The following USP47 variants were observed in gnomAD, a reference collection of about 807,000 sequenced individuals.
USP47 encodes ubiquitin carboxyl-terminal hydrolase 47.
In USP47, 35 loss-of-function variants were observed where a neutral mutation model predicts 165.1. That is an observed-to-expected ratio of 0.21 (90% confidence interval 0.16 to 0.28). USP47 has a LOEUF of 0.28. USP47 is among the 10% of genes least tolerant of loss of function. USP47 has a pLI of 1.00. For synonymous variants in USP47, 531 were observed against 544.5 expected (o/e 0.98, Z 0.35); for missense variants, 1,277 against 1,607.4 (o/e 0.79, Z 3.52).
rs1167533794 is a variant in USP47, at chr11:11,936,303, A to G, written c.1870A>G (p.Met624Val). The G allele has an allele frequency of 2.0e-6, 3 of 1,505,240 alleles. No individual in the cohort carries two copies. Among genetic ancestry groups the G allele is most frequent in the East Asian group, 2.3e-5 (1 of 43,498 alleles). The allele number at this position is 1,505,240 out of a possible 1,614,324, so 93.2% of individuals were successfully genotyped here. ...LKEAVEMAYK[M>V]MDLEEVIPLD... ...TTTCTGGGGGATTACTTTCTTTTAG[A>G]TGATGGATTTAGAAGAGGTAATACC... is the stretch of plus-strand genomic sequence containing the variant. Residue 624 changes from methionine to valine, a missense_variant and splice_region_variant, in exon 17 of 28, where the codon ATG (methionine) becomes GTG (valine). Around this residue, in one of 4 missense-constraint regions of USP47, gnomAD observed 909 missense variants for 1,068.1 expected, o/e 0.85. Transcript: ENST00000527733.
chr11:11,890,855 T>C (rs914174108), intron 3 of USP47, among the ~76,000 whole-genome samples: 1 of 152,196 alleles, frequency 6.6e-6, no homozygotes, highest in Non-Finnish European at 1.5e-5. Flanking sequence ...ATCATGTCCT[T>C]TGCAGGGAGA....
In USP47 at chr11:11,842,129, C is replaced by A. The variant is rs1385953250; in HGVS notation, c.-57C>A. ...TGCCATTCTCTCTTGAGCTAGCGAG[C>A]CGCCGCCACCCTCCACCCTCCCCCG... On this transcript the variant is annotated 5_prime_UTR_variant, in exon 1 of 28. Coordinates refer to ENST00000527733, the MANE Select transcript of USP47 (RefSeq NM_001282659.2). 4 of 1,544,238 alleles carry A rather than the reference C, an allele frequency of 2.6e-6. No individual in the cohort carries two copies. Among genetic ancestry groups the A allele is most frequent in the Non-Finnish European group, 2.6e-6 (3 of 1,142,600 alleles).
rs532124453 is a variant in USP47, at chr11:11,948,257, G to T, written c.3267+137G>T. ...TTAATGATTAATGGTAATTTGGGGG[G>T]TTTTTTGTTGTTATTTTTCTTCACT... is the stretch of plus-strand genomic sequence containing the variant. On this transcript the variant is annotated intron_variant, in intron 21 of 27. Coordinates refer to ENST00000527733, the MANE Select transcript of USP47 (RefSeq NM_001282659.2). The T allele has an allele frequency of 1.0e-4, 110 of 1,060,592 alleles. No individual in the cohort carries two copies. The African/African-American group carries it at 1.1e-3, about 10-fold the overall frequency. The allele number at this position is 1,060,592 out of a possible 1,614,324, so 65.7% of individuals were successfully genotyped here.
intron 13 of USP47, 148 bp from the exon 14 acceptor site, chr11:11,930,548 A>G (rs1233771019): frequency 3.1e-6 from 2 of 649,928 alleles, no homozygotes; most frequent in Non-Finnish European, 5.2e-6. Context: ...TCTTATCTGG[A>G]ATGTTTTAAA....
chr11:11,933,601 A>G (rs1854835227), intron 15 of USP47, among the ~76,000 whole-genome samples: 1 of 152,126 alleles, frequency 6.6e-6, no homozygotes. Flanking sequence ...TAAATATGAT[A>G]CATGCTTATA....
At chr11:11,901,819 C>T (rs996495314) in intron 5 of USP47, among the ~76,000 whole-genome samples, 8 of 151,682 alleles carry the variant, frequency 5.3e-5, no homozygotes, top group African/African-American at 1.9e-4. Flanking sequence ...ATTAGCCAGG[C>T]GTCATGGTGC....
chr11:11,886,601 A>T (rs1851178144), intron 3 of USP47, among the ~76,000 whole-genome samples: 1 of 152,214 alleles, frequency 6.6e-6, no homozygotes, highest in South Asian at 2.1e-4. Flanking sequence ...ATGTAAAGAG[A>T]CCAAACGTAC....
intron 8 of USP47, 59 bp from the exon 9 acceptor site, chr11:11,920,097 G>T: frequency 7.9e-7 from 1 of 1,272,250 alleles, no homozygotes; most frequent in Non-Finnish European, 1.0e-6. Context: ...TTTTTATTCA[G>T]GATTTTGTCA....
intron 3 of USP47, among the ~76,000 whole-genome samples, chr11:11,890,327 T>G (rs1028573269): frequency 6.6e-6 from 1 of 151,962 alleles, no homozygotes; most frequent in African/African-American, 2.4e-5. Flanking sequence ...ATATCCAGAA[T>G]CTACAAGGAA....
At chr11:11,926,376 G>T (rs1180896647) in intron 11 of USP47, among the ~76,000 whole-genome samples, 3 of 152,112 alleles carry the variant, frequency 2.0e-5, no homozygotes, top group Non-Finnish European at 4.4e-5. Context: ...GATGTGTTCA[G>T]ATTTTTTATG....
chr11:11,886,021 A>G (rs1165873741), intron 3 of USP47, among the ~76,000 whole-genome samples: 1 of 152,250 alleles, frequency 6.6e-6, no homozygotes, highest in Non-Finnish European at 1.5e-5. Flanking sequence ...CTGACTGTTA[A>G]AAGTAAAACA....
intron 6 of USP47, 131 bp from the exon 7 acceptor site, chr11:11,903,132 T>G (rs978756786): frequency 2.2e-6 from 2 of 899,374 alleles, no homozygotes; most frequent in Admixed American, 3.1e-5. Context: ...ATGTATATTC[T>G]TATGTTCTTT....
Position 11,948,173 on chromosome 11 carries a change from G to A in USP47, c.3267+53G>A, listed in dbSNP as rs1855973123. 1.9e-6 allele frequency: 3 copies of A among 1,544,032 alleles called. No homozygotes were observed. In the Admixed American group the frequency reaches 6.2e-5, roughly 32 times the overall value. ...AGAGTCTATTTTAAATGATAGATTT[G>A]AGAACAGCTTTTACTACTTCCAAGT... On this transcript the variant is annotated intron_variant, in intron 21 of 27. Transcript: ENST00000527733.
chr11:11,915,677 GAAAA>G (rs907066316), intron 8 of USP47, among the ~76,000 whole-genome samples: 1 of 150,200 alleles, frequency 6.7e-6, no homozygotes, highest in Non-Finnish European at 1.5e-5. Context: ...AAGTTTCAAT[GAAAA>G]AAAAAGTAGA....
At chr11:11,940,092 G>A (rs1266388090) in intron 18 of USP47, among the ~76,000 whole-genome samples, 2 of 151,956 alleles carry the variant, frequency 1.3e-5, no homozygotes, top group Non-Finnish European at 2.9e-5. Context: ...GATATCAGCA[G>A]TCAAAAAGTC....
In USP47 at chr11:11,948,461, A is replaced by G. The variant is rs375514318; in HGVS notation, c.3268-17A>G. The G allele has an allele frequency of 5.0e-4, 797 of 1,599,218 alleles. 6 individuals carry two copies. In the South Asian group the frequency reaches 5.0e-3, roughly 10 times the overall value. ...CTGCTGAGACAGCATGTCTAAAAAA[A>G]TGTTTTTAACTTATAGATTACAATT... On this transcript the variant is annotated splice_polypyrimidine_tract_variant and intron_variant, in intron 21 of 27. Coordinates refer to ENST00000527733, the MANE Select transcript of USP47 (RefSeq NM_001282659.2).
intron 1 of USP47, among the ~76,000 whole-genome samples, chr11:11,863,807 TTTCA>T (rs1849513892): frequency 6.6e-6 from 1 of 152,178 alleles, no homozygotes; most frequent in Admixed American, 6.5e-5. Flanking sequence ...GTGCGAGCCC[TTTCA>T]CCTGACTTTA....
intron 4 of USP47, among the ~76,000 whole-genome samples, chr11:11,893,172 C>T (rs906571460): frequency 2.0e-5 from 3 of 152,072 alleles, no homozygotes; most frequent in Non-Finnish European, 4.4e-5. Flanking sequence ...GTTTAATCGC[C>T]TAATGAATAA....
intron 5 of USP47, among the ~76,000 whole-genome samples, chr11:11,901,161 A>G (rs939288952): frequency 3.3e-5 from 5 of 152,198 alleles, no homozygotes; most frequent in African/African-American, 1.2e-4. Flanking sequence ...TAACAAAAGG[A>G]AGATGAGAAC....
Sources: gnomAD v4.1 joint callset for allele counts (sites outside exome capture counted in the v4.1 genomes callset) on GRCh38, gnomAD v4.1.1 for gene constraint, gnomAD v4.1.1 regional missense constraint, MANE v1.5 for transcripts, NCBI Gene and HGNC (gene_info 2026-07-23, HGNC 2026-07-21) for gene names.